WWC1: variants seen among roughly 807,000 people sequenced by gnomAD.
WWC1 encodes protein KIBRA.
A neutral mutation model predicts 138.4 loss-of-function variants in WWC1; 55 were observed. The ratio of observed to expected loss-of-function variants is 0.40; its 90% CI spans 0.32 to 0.50. The LOEUF is 0.50. Ranked by LOEUF, WWC1 falls within the 20% of genes least tolerant of loss-of-function variation. WWC1 has a pLI of 0.72. For missense variants in WWC1, 1,226 were observed against 1,420.4 expected, an observed-to-expected ratio of 0.86 and a Z score of 2.20; for synonymous variants, 524 against 564.9, an observed-to-expected ratio of 0.93 and a Z score of 1.03.
chr5:168,421,502 G>A (rs1781088310), intron 9 of WWC1, among the ~76,000 whole-genome samples: 1 of 152,206 alleles, frequency 6.6e-6, no homozygotes, highest in South Asian at 2.1e-4. Flanking sequence ...CCAGTAGAAT[G>A]TAAGCCCTAT....
chr5:168,328,009 AAC>A (rs1241390587), intron 1 of WWC1, among the ~76,000 whole-genome samples: 5 of 152,208 alleles, frequency 3.3e-5, no homozygotes, highest in Non-Finnish European at 5.9e-5. Context: ...TGCTGCTCAA[AAC>A]AGAGTGGGAC....
At chr5:168,400,574 C>T (rs1779232440) in intron 5 of WWC1, among the ~76,000 whole-genome samples, 1 of 152,212 alleles carries the variant, frequency 6.6e-6, no homozygotes, top group Admixed American at 6.5e-5. Flanking sequence ...TATAGCAACA[C>T]TGTAAGGAAT....
intron 11 of WWC1, among the ~76,000 whole-genome samples, chr5:168,424,799 T>C (rs1337207051): frequency 6.6e-6 from 1 of 152,214 alleles, no homozygotes; most frequent in Admixed American, 6.5e-5. Context: ...CTAATTGCAC[T>C]GGGGACCCAT....
At chr5:168,308,300 A>G (rs1357391328) in intron 1 of WWC1, among the ~76,000 whole-genome samples, 1 of 87,990 alleles carries the variant, frequency 1.1e-5, no homozygotes, top group African/African-American at 3.7e-5. Context: ...GACAAATAAT[A>G]AAAACAAGCA....
At chr5:168,315,272 A>G (rs1358351270) in intron 1 of WWC1, among the ~76,000 whole-genome samples, 1 of 151,864 alleles carries the variant, frequency 6.6e-6, no homozygotes, top group South Asian at 2.1e-4. Context: ...TGTAAAATGC[A>G]GATTCCTGGG....
At chr5:168,468,294 G>A (rs1422002601) in intron 22 of WWC1, among the ~76,000 whole-genome samples, 1 of 152,156 alleles carries the variant, frequency 6.6e-6, no homozygotes. Flanking sequence ...AAACCTAGGG[G>A]TGATGGATGC....
intron 1 of WWC1, among the ~76,000 whole-genome samples, chr5:168,298,057 G>C (rs913477597): frequency 6.6e-6 from 1 of 151,780 alleles, no homozygotes; most frequent in Non-Finnish European, 1.5e-5. Flanking sequence ...ATTTTATTTT[G>C]AGACTGAGTC....
At chr5:168,400,166 T>G (rs1779205382) in intron 5 of WWC1, among the ~76,000 whole-genome samples, 2 of 152,104 alleles carry the variant, frequency 1.3e-5, no homozygotes, top group South Asian at 2.1e-4. Flanking sequence ...CCGTTGTGTC[T>G]TCTTCTTCTT....
Position 168,455,351 on chromosome 5 carries a change from C to A in WWC1, c.2659-5C>A. On this transcript the variant is annotated splice_region_variant and splice_polypyrimidine_tract_variant and intron_variant, in intron 18 of 22. Coordinates refer to ENST00000265293, the MANE Select transcript of WWC1 (RefSeq NM_015238.3). ...GGTGGCTTCAAGGTGTGACTTCTTC[C>A]TCAGGTGGACAAAGAGACCAACACG... The A allele has an allele frequency of 6.4e-7, 1 of 1,563,974 alleles. No individual in the cohort carries two copies.
At chr5:168,425,923 C>T (rs1390979018) in intron 11 of WWC1, among the ~76,000 whole-genome samples, 2 of 152,208 alleles carry the variant, frequency 1.3e-5, no homozygotes, top group African/African-American at 2.4e-5. Context: ...CTGCTCAGAA[C>T]GCACACTGTT....
At chr5:168,410,055 T>C in intron 8 of WWC1, 60 bp downstream of exon 8, 4 of 1,514,422 alleles carry the variant, frequency 2.6e-6, no homozygotes, top group Non-Finnish European at 2.8e-6. Context: ...TATTGTAGAA[T>C]GCCTGCTCTG....
Position 168,316,239 on chromosome 5 carries a change from C to T in WWC1, c.119+23968C>T, listed in dbSNP as rs189094918. On this transcript the variant is annotated intron_variant, in intron 1 of 22. Transcript: ENST00000265293. Reference sequence around the variant, plus strand: ...CCCAACAGAAATCAAACAAAGATACCAGCAGCCCCAGACAGGCTGTCTTCA... The same window carrying T: ...CCCAACAGAAATCAAACAAAGATACTAGCAGCCCCAGACAGGCTGTCTTCA... Among the ~76,000 whole-genome samples, 5 of 152,284 alleles carry T rather than the reference C, an allele frequency of 3.3e-5. No homozygotes were observed. In the East Asian group the frequency reaches 9.6e-4, roughly 29 times the overall value.
chr5:168,470,803 C>T lies in WWC1; in HGVS notation c.*1786C>T, dbSNP rs1478308722. 1 of 152,202 alleles carries T rather than the reference C, an allele frequency of 6.6e-6. No individual in the cohort carries two copies. The highest frequency in any genetic ancestry group is 1.5e-5 in the Non-Finnish European group (1 of 68,128). The allele number at this position is 152,202 out of a possible 1,614,324, so 9.4% of individuals were successfully genotyped here. A position where few individuals can be genotyped will look rare whatever the true frequency, so the allele number is the denominator to read the frequency against. On this transcript the variant is annotated 3_prime_UTR_variant, in exon 23 of 23. Transcript: ENST00000265293. ...GCGCCATTGACTCCAGCCTGGGCAA[C>T]AAGAGCGTAACTCCATCTCAAAAAA...
At chr5:168,391,289 A>T (rs1778466482) in intron 3 of WWC1, among the ~76,000 whole-genome samples, 2 of 152,068 alleles carry the variant, frequency 1.3e-5, no homozygotes, top group South Asian at 4.1e-4. Flanking sequence ...AGTTCCAGTT[A>T]CTCAGGAGGC....
At chr5:168,310,984 A>G (rs1463002050) in intron 1 of WWC1, among the ~76,000 whole-genome samples, 1 of 152,238 alleles carries the variant, frequency 6.6e-6, no homozygotes, top group Non-Finnish European at 1.5e-5. Flanking sequence ...AAAGTAAAGC[A>G]CTTTGCAGAG....
intron 15 of WWC1, among the ~76,000 whole-genome samples, chr5:168,432,442 T>A (rs1187898586): frequency 6.6e-6 from 1 of 152,238 alleles, no homozygotes; most frequent in Admixed American, 6.5e-5. Context: ...TGCAGACAGA[T>A]ACTCAGCTTT....
At chr5:168,302,280 G>A (rs1263617572) in intron 1 of WWC1, among the ~76,000 whole-genome samples, 3 of 152,198 alleles carry the variant, frequency 2.0e-5, no homozygotes, top group Admixed American at 6.5e-5. Flanking sequence ...CCCACCCAGC[G>A]GGGGGTTGGC....
intron 17 of WWC1, among the ~76,000 whole-genome samples, chr5:168,446,787 A>C (rs1423122971): frequency 6.6e-6 from 1 of 152,202 alleles, no homozygotes; most frequent in African/African-American, 2.4e-5. Flanking sequence ...CACATAGTAG[A>C]CCCTCAATAC....
In WWC1 at chr5:168,414,672, G is replaced by C. The variant is rs1312873326; in HGVS notation, c.1184+82G>C. ...AGCCCCCAGATGGGGGAAGAATGAG[G>C]GGGCTCCGGGCCCCTGGGCTCCACC... On this transcript the variant is annotated intron_variant, in intron 9 of 22. Transcript: ENST00000265293. The C allele has an allele frequency of 2.1e-6, 3 of 1,460,568 alleles. 1 individual carries two copies. The highest frequency in any genetic ancestry group is 2.9e-5 in the African/African-American group (2 of 70,122). The allele number at this position is 1,460,568 out of a possible 1,614,324, so 90.5% of individuals were successfully genotyped here. A position where few individuals can be genotyped will look rare whatever the true frequency, so the allele number is the denominator to read the frequency against.
Sources: allele counts gnomAD v4.1 joint callset (sites outside exome capture counted in the v4.1 genomes callset), GRCh38; gene constraint gnomAD v4.1.1; transcripts MANE v1.5; gene names NCBI Gene and HGNC (gene_info 2026-07-23, HGNC 2026-07-21).